Variants in COX10 observed in about 807,000 individuals in gnomAD.
COX10 encodes cytochrome c oxidase assembly factor heme A:farnesyltransferase COX10.
Under a neutral mutation model 37.3 loss-of-function variants are expected in COX10, and 27 were observed. That is an observed-to-expected ratio of 0.72 (90% confidence interval 0.53 to 1.00). The LOEUF is 1.00. Ranked by LOEUF, COX10 falls within the 50% of genes least tolerant of loss-of-function variation. COX10 has a pLI of 0.00. For missense variants in COX10, 475 were observed against 563.2 expected (o/e 0.84, Z 1.59); for synonymous variants, 222 against 229.1 (o/e 0.97, Z 0.28).
chr17:14,081,260 A>G (rs1018046075), intron 3 of COX10, among the ~76,000 whole-genome samples: 1 of 152,224 alleles, frequency 6.6e-6, no homozygotes, highest in Non-Finnish European at 1.5e-5. Context: ...GAATGATGGC[A>G]GACAAATAGT....
chr17:14,206,915 T>C lies in COX10; in HGVS notation c.1034T>C (p.Met345Thr), dbSNP rs766378442. The part of the protein sequence containing the change: ...EDYSRGGYCM[M>T]SVTHPGLCRR... The stretch of plus-strand genomic sequence containing the variant: ...TACTCCCGGGGCGGCTACTGCATGA[T>C]GTCGGTCACCCACCCGGGCCTGTGC... Residue 345 changes from methionine (M) to threonine (T), a missense_variant, in exon 7 of 7, where the codon ATG becomes ACG. This residue lies in a region of COX10 where 160 missense variants were observed against 180.6 expected (regional missense o/e 0.89). Transcript: ENST00000261643. The C allele has an allele frequency of 6.2e-7, 1 of 1,613,928 alleles. No individual in the cohort carries two copies.
At chr17:14,154,068 A>T (rs756231301) in intron 4 of COX10, among the ~76,000 whole-genome samples, 22 of 152,206 alleles carry the variant, frequency 1.4e-4, no homozygotes, top group Non-Finnish European at 2.8e-4. Flanking sequence ...AGAAAATGCA[A>T]GTACTCTAGG....
intron 3 of COX10, among the ~76,000 whole-genome samples, chr17:14,086,587 A>G (rs1915414022): frequency 6.6e-6 from 1 of 152,154 alleles, no homozygotes; most frequent in South Asian, 2.1e-4. Flanking sequence ...AGATCAGTAC[A>G]TGTATTGATA....
intron 4 of COX10, among the ~76,000 whole-genome samples, chr17:14,142,991 T>C (rs913365682): frequency 6.6e-6 from 1 of 152,188 alleles, no homozygotes; most frequent in Non-Finnish European, 1.5e-5. Context: ...ATTTTCAGCC[T>C]TTTTACATCT....
intron 4 of COX10, among the ~76,000 whole-genome samples, chr17:14,133,423 A>G (rs1402331409): frequency 6.6e-6 from 1 of 151,644 alleles, no homozygotes; most frequent in African/African-American, 2.4e-5. Flanking sequence ...AATTAGGATA[A>G]TTAAGTTTTT....
intron 3 of COX10, among the ~76,000 whole-genome samples, chr17:14,095,916 A>G (rs1236079138): frequency 2.6e-5 from 4 of 152,116 alleles, no homozygotes. Flanking sequence ...CACCCAGTCA[A>G]GGATGTTTCA....
chr17:14,145,236 C>T (rs1355043355), intron 4 of COX10, among the ~76,000 whole-genome samples: 1 of 152,006 alleles, frequency 6.6e-6, no homozygotes, highest in Non-Finnish European at 1.5e-5. Flanking sequence ...TGAGAGTGGA[C>T]CAGATATGAA....
intron 5 of COX10, among the ~76,000 whole-genome samples, chr17:14,169,346 A>G (rs1460957460): frequency 2.6e-5 from 4 of 152,194 alleles, no homozygotes; most frequent in African/African-American, 7.2e-5. Context: ...TCATTCAACA[A>G]GTCTCCAGGA....
intron 5 of COX10, among the ~76,000 whole-genome samples, chr17:14,189,530 C>T (rs1198442470): frequency 3.3e-5 from 5 of 152,224 alleles, no homozygotes; most frequent in African/African-American, 1.2e-4. Flanking sequence ...TTTGTTCTTG[C>T]TTCTGTTTTA....
chr17:14,192,833 G>A (rs900034676), intron 6 of COX10, among the ~76,000 whole-genome samples: 1 of 152,064 alleles, frequency 6.6e-6, no homozygotes, highest in Non-Finnish European at 1.5e-5. Flanking sequence ...AGTCTAATTA[G>A]TCAAGTAATT....
chr17:14,128,009 G>A (rs1243523383), intron 4 of COX10, among the ~76,000 whole-genome samples: 1 of 151,246 alleles, frequency 6.6e-6, no homozygotes, highest in Non-Finnish European at 1.5e-5. Flanking sequence ...TGCCTAGCCA[G>A]TACCTCAAAT....
chr17:14,167,665 C>G (rs1448215390), intron 5 of COX10, among the ~76,000 whole-genome samples: 1 of 152,154 alleles, frequency 6.6e-6, no homozygotes, highest in African/African-American at 2.4e-5. Context: ...CAGAAGCAAG[C>G]ACCTTCCTAC....
chr17:14,156,578 A>C (rs866238677), intron 4 of COX10, among the ~76,000 whole-genome samples: 1 of 152,126 alleles, frequency 6.6e-6, no homozygotes, highest in Admixed American at 6.5e-5. Flanking sequence ...TAGGCTCTTA[A>C]TCAGTCTGCT....
intron 4 of COX10, among the ~76,000 whole-genome samples, chr17:14,140,605 A>G (rs866759219): frequency 5.2e-4 from 79 of 152,074 alleles, no homozygotes; most frequent in African/African-American, 1.8e-3. Context: ...TTTCCTTTTC[A>G]TTCATAAATG....
At chr17:14,122,647 A>G (rs1317939543) in intron 4 of COX10, among the ~76,000 whole-genome samples, 1 of 152,096 alleles carries the variant, frequency 6.6e-6, no homozygotes, top group African/African-American at 2.4e-5. Flanking sequence ...GTCCACCTGT[A>G]AGAAGTCCTG....
intron 4 of COX10, among the ~76,000 whole-genome samples, chr17:14,102,471 G>T (rs1035709708): frequency 6.6e-6 from 1 of 152,118 alleles, no homozygotes; most frequent in Admixed American, 6.6e-5. Context: ...TGCTTCAAAT[G>T]ACTAGGATTC....
intron 4 of COX10, among the ~76,000 whole-genome samples, chr17:14,158,483 G>A (rs2142238595): frequency 6.6e-6 from 1 of 150,548 alleles, no homozygotes; most frequent in African/African-American, 2.4e-5. Flanking sequence ...TGTCTTTTTA[G>A]CACTAGTGTT....
intron 6 of COX10, among the ~76,000 whole-genome samples, chr17:14,197,606 A>G (rs1906404660): frequency 6.6e-6 from 1 of 152,272 alleles, no homozygotes; most frequent in South Asian, 2.1e-4. Context: ...AAAATGACAC[A>G]GATGAGCAGA....
rs80170684 is a variant in COX10, at chr17:14,141,054, C to T, written c.625-18823C>T. On this transcript the variant is annotated intron_variant, in intron 4 of 6. Transcript: ENST00000261643. ...GATATCGTCTAGGATTTTTTTTTTG[C>T]GTAATCATGAGTTACGGTGTTAAAG... Among the ~76,000 whole-genome samples, 692 of 150,622 alleles carry T rather than the reference C, an allele frequency of 4.6e-3. 27 individuals are homozygous for T. In the East Asian group the frequency reaches 0.087, roughly 19 times the overall value.
Sources: gnomAD v4.1 joint callset for allele counts (sites outside exome capture counted in the v4.1 genomes callset) on GRCh38, gnomAD v4.1.1 for gene constraint, gnomAD v4.1.1 regional missense constraint, MANE v1.5 for transcripts, NCBI Gene and HGNC (gene_info 2026-07-23, HGNC 2026-07-21) for gene names.